DNAH5: variants seen among roughly 807,000 people sequenced by gnomAD.
The protein encoded by DNAH5 is dynein axonemal heavy chain 5, also known as axonemal beta dynein heavy chain 5.
Under a neutral mutation model 518.2 loss-of-function variants are expected in DNAH5, and 372 were observed. That is an observed-to-expected ratio of 0.72 (90% CI 0.66 to 0.78). DNAH5 has a LOEUF of 0.78. Among genes scored for constraint, DNAH5 ranks in the 30% least tolerant of loss-of-function variants. DNAH5 has a pLI of 0.00. For missense variants in DNAH5, 5,523 were observed against 5,687.0 expected, an observed-to-expected ratio of 0.97 and a Z score of 0.93; for synonymous variants, 2,039 against 2,025.9, an observed-to-expected ratio of 1.01 and a Z score of -0.17.
intron 1 of DNAH5, among the ~76,000 whole-genome samples, chr5:14,006,531 G>T (rs1269152253): frequency 2.0e-5 from 3 of 152,194 alleles, no homozygotes; most frequent in Non-Finnish European, 4.4e-5. Flanking sequence ...GTGTGTCAGG[G>T]TTCTAATCTC....
At chr5:13,724,365 G>A (rs2126547318) in intron 70 of DNAH5, among the ~76,000 whole-genome samples, 1 of 152,286 alleles carries the variant, frequency 6.6e-6, no homozygotes, top group Middle Eastern at 3.4e-3. Context: ...TTCTGGAATG[G>A]TAATATTTAC....
At chr5:13,873,229 C>T (rs1462906024) in intron 22 of DNAH5, among the ~76,000 whole-genome samples, 1 of 152,170 alleles carries the variant, frequency 6.6e-6, no homozygotes, top group Non-Finnish European at 1.5e-5. Flanking sequence ...TATGCCTCCA[C>T]AATCTCTTCC....
intron 35 of DNAH5, 126 bp from the exon 36 acceptor site, chr5:13,830,901 C>A (rs1467403896): frequency 2.3e-6 from 2 of 854,120 alleles, no homozygotes; most frequent in Non-Finnish European, 3.8e-6. Context: ...CCTAACATTT[C>A]GAATACAACA....
At chr5:13,872,719 T>C (rs1452078268) in intron 22 of DNAH5, among the ~76,000 whole-genome samples, 1 of 152,180 alleles carries the variant, frequency 6.6e-6, no homozygotes, top group Non-Finnish European at 1.5e-5. Flanking sequence ...AATGCTATTT[T>C]TCCCAGCAAA....
intron 38 of DNAH5, 37 bp from the exon 39 acceptor site, chr5:13,824,370 A>G (rs1171162332): frequency 6.2e-7 from 1 of 1,603,930 alleles, no homozygotes; most frequent in Non-Finnish European, 8.5e-7. Context: ...TATTTTCAAC[A>G]TTAAAATACT....
chr5:13,861,882 G>A (rs1233003841), intron 29 of DNAH5, among the ~76,000 whole-genome samples: 2 of 147,426 alleles, frequency 1.4e-5, no homozygotes, highest in Non-Finnish European at 3.0e-5. Context: ...GAGCCAGGGA[G>A]GCTGAGGTTT....
chr5:13,711,645 G>T (rs1354222946), intron 75 of DNAH5, among the ~76,000 whole-genome samples: 1 of 152,134 alleles, frequency 6.6e-6, no homozygotes, highest in Admixed American at 6.6e-5. Flanking sequence ...AAAGCTCTTG[G>T]AACTGATACA....
chr5:13,853,489 C>T (rs187843003), intron 30 of DNAH5, among the ~76,000 whole-genome samples: 1 of 152,172 alleles, frequency 6.6e-6, no homozygotes. Flanking sequence ...AACTCCTCGC[C>T]AGCAAGGGAA....
intron 24 of DNAH5, among the ~76,000 whole-genome samples, chr5:13,868,844 T>C (rs1769663719): frequency 6.6e-6 from 1 of 152,112 alleles, no homozygotes; most frequent in South Asian, 2.1e-4. Context: ...GATTTAGTGT[T>C]CACTAGCTCA....
At chr5:13,853,846 A>G (rs1295741712) in intron 30 of DNAH5, among the ~76,000 whole-genome samples, 1 of 152,098 alleles carries the variant, frequency 6.6e-6, no homozygotes, top group Non-Finnish European at 1.5e-5. Context: ...AGGAATGAAC[A>G]AAGCCTCCAA....
chr5:13,699,882 G>A (rs1741862011), intron 78 of DNAH5, among the ~76,000 whole-genome samples: 1 of 152,172 alleles, frequency 6.6e-6, no homozygotes, highest in South Asian at 2.1e-4. Flanking sequence ...CTCGTGTGCT[G>A]AAATGTGGTT....
At chr5:13,847,611 C>G (rs10474997) in intron 31 of DNAH5, among the ~76,000 whole-genome samples, 201 of 151,860 alleles carry the variant, frequency 1.3e-3, no homozygotes, top group African/African-American at 4.7e-3. Context: ...GTATTCCCAG[C>G]TACTCAAGAG....
chr5:13,896,926 G>A (rs1773981595), intron 15 of DNAH5, among the ~76,000 whole-genome samples: 1 of 151,822 alleles, frequency 6.6e-6, no homozygotes, highest in African/African-American at 2.4e-5. Context: ...CTTGATAATA[G>A]ATGAATGTTT....
intron 65 of DNAH5, among the ~76,000 whole-genome samples, chr5:13,746,250 T>G (rs1338109474): frequency 6.6e-6 from 1 of 152,080 alleles, no homozygotes; most frequent in Non-Finnish European, 1.5e-5. Context: ...AGAGAGAGGA[T>G]GGGTTGAGAC....
chr5:14,007,821 T>C (rs444601), intron 1 of DNAH5, among the ~76,000 whole-genome samples: 59,357 of 151,996 alleles, frequency 0.39, 12,384 homozygotes, highest in East Asian at 0.81. Context: ...GTGTAATGAA[T>C]GTTAGGAGAG....
chr5:13,756,972 C>T (rs1006313418), intron 61 of DNAH5, among the ~76,000 whole-genome samples: 2 of 152,136 alleles, frequency 1.3e-5, no homozygotes, highest in Admixed American at 1.3e-4. Context: ...TTTTTCAGTT[C>T]CTGTGTTAGT....
intron 75 of DNAH5, among the ~76,000 whole-genome samples, chr5:13,713,959 G>A (rs918718942): frequency 6.6e-6 from 1 of 152,284 alleles, no homozygotes; most frequent in East Asian, 1.9e-4. Context: ...CTAATGAGAT[G>A]AAGAAGCTGC....
intron 47 of DNAH5, among the ~76,000 whole-genome samples, chr5:13,803,025 TTAA>T (rs1487313327): frequency 9.5e-6 from 1 of 105,284 alleles, no homozygotes; most frequent in Non-Finnish European, 2.2e-5. Flanking sequence ...GTATTATGCA[TTAA>T]TGATATATAA....
At position 13,714,425 on chromosome 5, in the gene DNAH5, G is replaced by T. The variant is rs1463117066; in HGVS notation, c.13105C>A (p.Pro4369Thr). 11 of 1,613,968 alleles carry T rather than the reference G, an allele frequency of 6.8e-6. 1 individual carries two copies. The highest frequency in any genetic ancestry group is 2.7e-5 in the African/African-American group (2 of 74,890). ...LADDMLEKLP[P>T]DYVPFEVKER... ...CTCACTTCAAAGGGGACATAGTCTG[G>T]GGGCAGCTTCTCCAGCATATCATCA... is the stretch of plus-strand genomic sequence containing the variant. The change falls in exon 75 of 79, where the codon CCA becomes ACA. Residue 4369 changes from proline (P) to threonine (T), a missense_variant. Physicochemically the swap from Pro to Thr is conservative, Grantham distance 38 (BLOSUM62 -1). Around this residue, in one of 3 missense-constraint regions of DNAH5, gnomAD observed 387 missense variants for 430.0 expected, o/e 0.90. Coordinates refer to ENST00000265104, the MANE Select transcript of DNAH5 (RefSeq NM_001369.3).
Sources: gnomAD v4.1 joint callset for allele counts (sites outside exome capture counted in the v4.1 genomes callset) on GRCh38, gnomAD v4.1.1 for gene constraint, gnomAD v4.1.1 regional missense constraint, MANE v1.5 for transcripts, NCBI Gene and HGNC (gene_info 2026-07-23, HGNC 2026-07-21) for gene names.